The following CEACAM20 variants were observed in gnomAD, a reference collection of about 807,000 sequenced individuals.
The protein encoded by CEACAM20 is cell adhesion molecule CEACAM20.
A neutral mutation model predicts 61.2 loss-of-function variants in CEACAM20; 50 were observed. The observed-to-expected ratio is 0.82, with a 90% confidence interval of 0.65 to 1.03. The LOEUF is 1.03. Ranked by LOEUF, CEACAM20 falls within the 50% of genes least tolerant of loss-of-function variation. The probability of loss-of-function intolerance (pLI) is 0.00; values close to 1 mark genes in which losing one functional copy is unlikely to be tolerated. For synonymous variants in CEACAM20, 282 were observed against 287.7 expected, an observed-to-expected ratio of 0.98 and a Z score of 0.20; for missense variants, 683 against 736.4, an observed-to-expected ratio of 0.93 and a Z score of 0.84.
chr19:44,517,997 AC>A (rs1971220812), intron 5 of CEACAM20, among the ~76,000 whole-genome samples: 1 of 151,656 alleles, frequency 6.6e-6, no homozygotes, highest in African/African-American at 2.4e-5. Flanking sequence ...AATCACTTGA[AC>A]CTGGGAGGCC....
chr19:44,511,187 C>T (rs1237458134), intron 10 of CEACAM20, 32 bp from the exon 11 acceptor site: 1 of 1,610,278 alleles, frequency 6.2e-7, no homozygotes, highest in East Asian at 2.2e-5. Flanking sequence ...AGGCAGGGCC[C>T]ACAGACACAG....
chr19:44,517,685 A>T (rs562193300), intron 5 of CEACAM20, among the ~76,000 whole-genome samples: 1 of 150,156 alleles, frequency 6.7e-6, no homozygotes, highest in Non-Finnish European at 1.5e-5. Flanking sequence ...CGACAGAGCA[A>T]GATTCCATCT....
At chr19:44,525,503 C>T (rs1318928728) in intron 1 of CEACAM20, among the ~76,000 whole-genome samples, 3 of 152,046 alleles carry the variant, frequency 2.0e-5, no homozygotes, top group Non-Finnish European at 2.9e-5. Flanking sequence ...CATGCAGTGG[C>T]GCAATCTCAG....
chr19:44,524,938 CCT>C (rs1971481504), intron 2 of CEACAM20, among the ~76,000 whole-genome samples, 161 bp downstream of exon 2: 2 of 152,156 alleles, frequency 1.3e-5, no homozygotes, highest in Admixed American at 1.3e-4. Context: ...CACAGCCCTC[CCT>C]CTTTACCCCT....
At position 44,529,623 on chromosome 19, in the gene CEACAM20, C is replaced by T; in HGVS notation, c.-114G>A. On this transcript the variant is annotated 5_prime_UTR_variant, in exon 1 of 12. It adds an upstream start codon to the 5' untranslated region. Transcript: ENST00000614924. ...TCCACCTCCCTTCTCTCCTCTCCCA[C>T]CCTGCTACAAACTCACACACACACT... is the stretch of plus-strand genomic sequence containing the variant. 2.5e-6 allele frequency: 2 copies of T among 805,950 alleles called. No individual in the cohort carries two copies. The highest frequency in any genetic ancestry group is 4.1e-6 in the Non-Finnish European group (2 of 485,224). 49.9% of individuals were successfully genotyped at this position (805,950 alleles called of 1,614,324 possible). A position where few individuals can be genotyped will look rare whatever the true frequency, so the allele number is the denominator to read the frequency against.
intron 1 of CEACAM20, among the ~76,000 whole-genome samples, chr19:44,527,039 C>G (rs1217045382): frequency 6.6e-6 from 1 of 152,150 alleles, no homozygotes; most frequent in Non-Finnish European, 1.5e-5. Flanking sequence ...TGCCCCATTC[C>G]CTGCCCAGTG....
chr19:44,506,196 G>A lies in CEACAM20; in HGVS notation c.1756C>T (p.Pro586Ser), dbSNP rs761431435. ...GGGTTGATTTGGATGTAAGTGTTGG[G>A]CTCTGGATTCACAAGCTCCTGTTAA... ...SIYEELVNPE[P>S]NTYIQINPSV The change falls in exon 12 of 12, where the codon CCC (proline) becomes TCC (serine). Residue 586 changes from proline to serine, a missense_variant. Coordinates refer to ENST00000614924, the MANE Select transcript of CEACAM20 (RefSeq NM_001102597.3). 6.2e-7 allele frequency: 1 copy of A among 1,613,766 alleles called. No homozygotes were observed. The highest frequency in any genetic ancestry group is 1.7e-5 in the Admixed American group (1 of 59,992).
At position 44,511,108 on chromosome 19, in the gene CEACAM20, C is replaced by T; in HGVS notation, c.1659G>A (p.Trp553Ter). 9.9e-6 allele frequency: 16 copies of T among 1,613,960 alleles called. No homozygotes were observed. Among genetic ancestry groups the T allele is most frequent in the Non-Finnish European group, 1.4e-5 (16 of 1,179,880 alleles). ...ASRRGNSFSPWKPPPKPLMPP... is the reference protein window; with the variant it reads ...ASRRGNSFSP The stretch of plus-strand genomic sequence containing the variant: ...GCATCAGAGGTTTGGGTGGTGGCTT[C>T]CAGGGGCTGAAAGAATTGCCTCTAC... The change falls in exon 11 of 12, where the codon TGG becomes TGA. Residue 553 changes from tryptophan to a stop codon, truncating the protein, a stop_gained. Coordinates refer to ENST00000614924, the MANE Select transcript of CEACAM20 (RefSeq NM_001102597.3). LOFTEE classifies it high-confidence loss of function.
intron 5 of CEACAM20, among the ~76,000 whole-genome samples, chr19:44,519,752 C>T (rs1971297316): frequency 6.6e-6 from 1 of 152,220 alleles, no homozygotes; most frequent in South Asian, 2.1e-4. Context: ...CCAGGAGAAG[C>T]TCTTCAAAGA....
Position 44,512,004 on chromosome 19 carries a change from C to T in CEACAM20, c.1575+13G>A. The T allele has an allele frequency of 6.2e-7, 1 of 1,604,846 alleles. No individual in the cohort carries two copies. On this transcript the variant is annotated intron_variant, in intron 9 of 11. Coordinates refer to ENST00000614924, the MANE Select transcript of CEACAM20 (RefSeq NM_001102597.3). The stretch of plus-strand genomic sequence containing the variant: ...AGGGGATCAAGGAGGGTTCCCTCTG[C>T]AGCATCACTCACCAGTTCGACTCTG...
At chr19:44,521,295 T>C (rs1971358946) in intron 4 of CEACAM20, among the ~76,000 whole-genome samples, 1 of 152,152 alleles carries the variant, frequency 6.6e-6, no homozygotes, top group Non-Finnish European at 1.5e-5. Context: ...GTGTTTTCCA[T>C]GTTGTCCATC....
At chr19:44,528,386 C>A (rs13345724) in intron 1 of CEACAM20, among the ~76,000 whole-genome samples, 2 of 151,872 alleles carry the variant, frequency 1.3e-5, no homozygotes, top group African/African-American at 4.8e-5. Flanking sequence ...CGCCACCACA[C>A]TCAGCTAATT....
intron 1 of CEACAM20, among the ~76,000 whole-genome samples, chr19:44,526,954 T>C (rs184919470): frequency 1.3e-5 from 2 of 151,592 alleles, no homozygotes; most frequent in African/African-American, 4.8e-5. Context: ...ACGCAACTGA[T>C]CTCATCTCTC....
chr19:44,529,390 AC>A (rs1971644255), intron 1 of CEACAM20, 67 bp downstream of exon 1: 2 of 1,223,894 alleles, frequency 1.6e-6, no homozygotes, highest in Middle Eastern at 3.9e-4. Context: ...ACACACACAC[AC>A]ACACCGCTGA....
chr19:44,520,354 G>T, intron 5 of CEACAM20, 120 bp downstream of exon 5: 1 of 1,359,228 alleles, frequency 7.4e-7, no homozygotes, highest in Non-Finnish European at 9.9e-7. Flanking sequence ...CCAGTGCCCA[G>T]ATTCATGCCT....
At chr19:44,518,173 AGCAG>A (rs552025790) in intron 5 of CEACAM20, among the ~76,000 whole-genome samples, 8,762 of 138,456 alleles carry the variant, frequency 0.063, 549 homozygotes, top group African/African-American at 0.07. Flanking sequence ...GAAGGAAGAA[AGCAG>A]GCAGGCAGGC....
chr19:44,529,336 A>T, intron 1 of CEACAM20, 122 bp downstream of exon 1: 1 of 850,880 alleles, frequency 1.2e-6, no homozygotes, highest in Non-Finnish European at 1.9e-6. Context: ...CTCTGCCTCC[A>T]TCTCTTTTTC....
chr19:44,519,199 TGG>T (rs953573928), intron 5 of CEACAM20, among the ~76,000 whole-genome samples: 2 of 152,156 alleles, frequency 1.3e-5, no homozygotes, highest in Non-Finnish European at 2.9e-5. Flanking sequence ...AGGCTTCCTT[TGG>T]GCTCCCCATA....
intron 5 of CEACAM20, among the ~76,000 whole-genome samples, chr19:44,518,369 A>T (rs1416540878): frequency 6.6e-6 from 1 of 152,106 alleles, no homozygotes; most frequent in Non-Finnish European, 1.5e-5. Flanking sequence ...GTCAGAGGGG[A>T]TCATTGTCAC....
Sources: gnomAD v4.1 joint callset for allele counts (sites outside exome capture counted in the v4.1 genomes callset) on GRCh38, gnomAD v4.1.1 for gene constraint, MANE v1.5 for transcripts, NCBI Gene and HGNC (gene_info 2026-07-23, HGNC 2026-07-21) for gene names.